Variants in SND1 observed in about 807,000 individuals in gnomAD.
SND1 encodes the protein staphylococcal nuclease and tudor domain containing 1.
A neutral mutation model predicts 121.7 loss-of-function variants in SND1; 38 were observed. The observed-to-expected ratio is 0.31, with a 90% CI of 0.24 to 0.41. The LOEUF (loss-of-function observed/expected upper bound fraction) is 0.41. Ranked by LOEUF, SND1 falls within the 10% of genes least tolerant of loss-of-function variation. The pLI, the probability that SND1 is intolerant of heterozygous loss-of-function variation, is 1.00. For synonymous variants in SND1, 401 were observed against 447.4 expected (o/e 0.90, Z 1.31); for missense variants, 868 against 1,184.6 (o/e 0.73, Z 3.92).
chr7:127,813,069 C>T (rs760291389), intron 11 of SND1, among the ~76,000 whole-genome samples: 3 of 152,176 alleles, frequency 2.0e-5, no homozygotes, highest in Non-Finnish European at 2.9e-5. Context: ...CTTGTCCTTG[C>T]CTCCTCAGTG....
At chr7:127,854,680 G>A (rs955255049) in intron 12 of SND1, among the ~76,000 whole-genome samples, 19 of 151,808 alleles carry the variant, frequency 1.3e-4, no homozygotes, top group Non-Finnish European at 2.5e-4. Flanking sequence ...TCATTGATGT[G>A]ATAAGGAGAG....
intron 11 of SND1, among the ~76,000 whole-genome samples, chr7:127,819,808 AT>A: frequency 6.6e-6 from 1 of 152,218 alleles, no homozygotes; most frequent in South Asian, 2.1e-4. Context: ...GTCATCAAAG[AT>A]TGTTTTATTT....
intron 15 of SND1, among the ~76,000 whole-genome samples, chr7:127,948,149 A>G (rs1327120303): frequency 6.6e-6 from 1 of 152,146 alleles, no homozygotes; most frequent in Non-Finnish European, 1.5e-5. Context: ...GGAAGACCTT[A>G]TTTCTCACCC....
In SND1 at chr7:127,707,610, C is replaced by G. The variant is rs1375151528; in HGVS notation, c.1001C>G (p.Ala334Gly). 7 of 1,614,126 alleles carry G rather than the reference C, an allele frequency of 4.3e-6. No homozygotes were observed. In the South Asian group the frequency reaches 7.7e-5, roughly 18 times the overall value. Residue 334 changes from alanine (A) to glycine (G), a missense_variant, in exon 9 of 24, where the codon GCT (alanine) becomes GGT (glycine). Ala to Gly is a moderately conservative substitution (Grantham distance 60). Transcript: ENST00000354725. Reference sequence around the variant, plus strand: ...TGGAGAGACTATGTGGCTCCCACAGCTAATTTGGACCAAAAGGACAAGCAG... The same window carrying G: ...TGGAGAGACTATGTGGCTCCCACAGGTAATTTGGACCAAAAGGACAAGCAG... ...RIWRDYVAPT[A>G]NLDQKDKQFV...
At chr7:127,653,636 C>T (rs950131138) in intron 1 of SND1, among the ~76,000 whole-genome samples, 1 of 152,072 alleles carries the variant, frequency 6.6e-6, no homozygotes, top group African/African-American at 2.4e-5. Context: ...TAGCAAGACC[C>T]AGTTTAAAAA....
chr7:128,016,240 C>A (rs1452816535), intron 16 of SND1, among the ~76,000 whole-genome samples: 4 of 151,298 alleles, frequency 2.6e-5, no homozygotes, highest in Non-Finnish European at 5.9e-5. Flanking sequence ...TCCTCAGCCT[C>A]CCTAGTAGCT....
intron 10 of SND1, among the ~76,000 whole-genome samples, chr7:127,784,930 G>T (rs911402261): frequency 3.3e-5 from 5 of 152,098 alleles, no homozygotes; most frequent in Non-Finnish European, 7.4e-5. Flanking sequence ...GTTTTGTTTT[G>T]TTTTTTGAGA....
At chr7:127,858,616 A>C in intron 12 of SND1, 1 of 294,964 alleles carries the variant, frequency 3.4e-6, no homozygotes, top group East Asian at 7.1e-5. Context: ...AGGGAACAAA[A>C]ACACCACTCT....
At chr7:127,684,366 G>A (rs1438538381) in intron 1 of SND1, among the ~76,000 whole-genome samples, 1 of 152,196 alleles carries the variant, frequency 6.6e-6, no homozygotes, top group Non-Finnish European at 1.5e-5. Flanking sequence ...GTTCTGGTTT[G>A]TGTGCTGTAT....
At chr7:128,032,306 T>TCCCCCTC (rs953340268) in intron 16 of SND1, among the ~76,000 whole-genome samples, 6 of 143,780 alleles carry the variant, frequency 4.2e-5, no homozygotes, top group East Asian at 2.1e-4. Context: ...TCTTCCTCTC[T>TCCCCCTC]CCCCCTCCCC....
At chr7:127,706,648 T>TG (rs1410647936) in intron 8 of SND1, among the ~76,000 whole-genome samples, 4 of 152,152 alleles carry the variant, frequency 2.6e-5, no homozygotes, top group Admixed American at 2.6e-4. Context: ...ATGGATTTTT[T>TG]GGGGGAGTGC....
chr7:128,037,911 A>G (rs1037621516), intron 16 of SND1, among the ~76,000 whole-genome samples: 5 of 152,202 alleles, frequency 3.3e-5, no homozygotes, highest in Non-Finnish European at 7.3e-5. Flanking sequence ...GGAACACTTA[A>G]GCGTTTACCA....
intron 4 of SND1, among the ~76,000 whole-genome samples, chr7:127,700,273 C>T (rs1267479757): frequency 6.6e-6 from 1 of 152,158 alleles, no homozygotes; most frequent in Non-Finnish European, 1.5e-5. Context: ...CAATCTCTTA[C>T]ACTACATTTC....
chr7:127,733,829 C>CT (rs1796724012), intron 10 of SND1, among the ~76,000 whole-genome samples: 1 of 152,162 alleles, frequency 6.6e-6, no homozygotes, highest in Admixed American at 6.5e-5. Flanking sequence ...TCCCCTCCCT[C>CT]TAAGCCCTAG....
intron 10 of SND1, among the ~76,000 whole-genome samples, chr7:127,753,394 A>T (rs1797136886): frequency 6.6e-6 from 1 of 152,002 alleles, no homozygotes; most frequent in Non-Finnish European, 1.5e-5. Flanking sequence ...TAGGAGGCAG[A>T]TGTTGTTTGT....
intron 15 of SND1, among the ~76,000 whole-genome samples, chr7:127,946,046 C>T (rs1439271013): frequency 6.6e-6 from 1 of 152,208 alleles, no homozygotes; most frequent in Non-Finnish European, 1.5e-5. Flanking sequence ...CTCTTATTGG[C>T]TAGGAATCAA....
intron 12 of SND1, among the ~76,000 whole-genome samples, chr7:127,869,409 G>A (rs1469956761): frequency 6.6e-6 from 1 of 152,166 alleles, no homozygotes; most frequent in Middle Eastern, 3.2e-3. Flanking sequence ...TTGGAGTAGA[G>A]GGATGGTGAC....
At chr7:127,850,025 A>C (rs1799136159) in intron 12 of SND1, among the ~76,000 whole-genome samples, 1 of 152,228 alleles carries the variant, frequency 6.6e-6, no homozygotes, top group Non-Finnish European at 1.5e-5. Context: ...TGTATGAACC[A>C]GACTATTAAA....
At chr7:127,921,660 G>A (rs1800707950) in intron 14 of SND1, among the ~76,000 whole-genome samples, 2 of 152,040 alleles carry the variant, frequency 1.3e-5, no homozygotes, top group Admixed American at 1.3e-4. Context: ...TTTGAGAAAC[G>A]TATATTTATG....
Sources: gnomAD v4.1 joint callset for allele counts (sites outside exome capture counted in the v4.1 genomes callset) on GRCh38, gnomAD v4.1.1 for gene constraint, MANE v1.5 for transcripts, NCBI Gene and HGNC (gene_info 2026-07-23, HGNC 2026-07-21) for gene names.